The following ME1 variants were observed in gnomAD, a reference collection of about 807,000 sequenced individuals.
The protein encoded by ME1 is NADP-dependent malic enzyme.
In ME1, 74 loss-of-function variants were observed where a neutral mutation model predicts 66.4. That is an observed-to-expected ratio of 1.11 (90% CI 0.92 to 1.35). ME1 has a LOEUF of 1.35. Among genes scored for constraint, ME1 ranks in the 40% most tolerant of loss-of-function variants. ME1 has a pLI of 0.00. For missense variants in ME1, 750 were observed against 694.1 expected, an observed-to-expected ratio of 1.08 and a Z score of -0.90; for synonymous variants, 251 against 235.6, an observed-to-expected ratio of 1.07 and a Z score of -0.60.
intron 9 of ME1, among the ~76,000 whole-genome samples, chr6:83,237,274 A>AGAAAGAAAGAAAGAAAGGAAG (rs1554262978): frequency 2.4e-5 from 2 of 83,730 alleles, no homozygotes; most frequent in Non-Finnish European, 4.9e-5. Context: ...AAAGAAAGAA[A>AGAAAGAAAGAAAGAAAGGAAG]GAAAGGAAGG....
chr6:83,392,870 C>A (rs556865028), intron 3 of ME1: 1 of 779,132 alleles, frequency 1.3e-6, no homozygotes, highest in Admixed American at 1.7e-5. Flanking sequence ...ATGCCTCCTG[C>A]ACCACCAGCT....
intron 3 of ME1, among the ~76,000 whole-genome samples, chr6:83,367,428 T>C (rs1355155037): frequency 1.3e-5 from 2 of 152,194 alleles, no homozygotes; most frequent in Non-Finnish European, 2.9e-5. Flanking sequence ...CCTCTCTAGC[T>C]ATGAAAGTCC....
rs912559029 is a variant in ME1, at chr6:83,365,237, C to CTT, written c.363-13100_363-13099dup. ...CCTCCTGAGTAGCTGGGATTATAGG[C>CTT]TTCTGCCACCACGCCCAGCTAATTT... On this transcript the variant is annotated intron_variant, in intron 3 of 13. Coordinates refer to ENST00000369705, the MANE Select transcript of ME1 (RefSeq NM_002395.6). Among the ~76,000 whole-genome samples, 51 of 152,300 alleles carry CTT rather than the reference C, an allele frequency of 3.3e-4. 1 individual carries two copies. Among genetic ancestry groups the CTT allele is most frequent in the African/African-American group, 1.1e-3 (45 of 41,564 alleles).
chr6:83,363,160 C>T (rs917745678), intron 3 of ME1, among the ~76,000 whole-genome samples: 1 of 152,160 alleles, frequency 6.6e-6, no homozygotes, highest in African/African-American at 2.4e-5. Context: ...TAGTGATCCA[C>T]TAGCAAAATT....
intron 6 of ME1, among the ~76,000 whole-genome samples, chr6:83,290,945 C>CTT (rs548437686): frequency 6.0e-5 from 9 of 150,464 alleles, no homozygotes; most frequent in Non-Finnish European, 4.5e-5. Flanking sequence ...GCAACCCCTG[C>CTT]TTTTTTTTTG....
intron 11 of ME1, among the ~76,000 whole-genome samples, chr6:83,224,689 A>AAT (rs1790154132): frequency 7.4e-6 from 1 of 135,356 alleles, no homozygotes; most frequent in African/African-American, 3.3e-5. Context: ...AGCTCAAAAA[A>AAT]AAAAAAAATA....
At chr6:83,224,580 A>C (rs2128523512) in intron 11 of ME1, among the ~76,000 whole-genome samples, 1 of 151,388 alleles carries the variant, frequency 6.6e-6, no homozygotes, top group East Asian at 2.0e-4. Flanking sequence ...GCTACTTGAG[A>C]GGCTGAGGCA....
At chr6:83,306,754 G>A (rs1767831431) in intron 6 of ME1, among the ~76,000 whole-genome samples, 1 of 151,964 alleles carries the variant, frequency 6.6e-6, no homozygotes, top group Non-Finnish European at 1.5e-5. Flanking sequence ...CTACTGTAGG[G>A]TAAAATATAA....
At chr6:83,369,527 G>T (rs965311880) in intron 3 of ME1, among the ~76,000 whole-genome samples, 4 of 151,968 alleles carry the variant, frequency 2.6e-5, no homozygotes, top group Non-Finnish European at 5.9e-5. Context: ...GTAGAAAAAT[G>T]ATCCTTCTAT....
rs386359179 is a variant in ME1 at position 83,381,398 on chromosome 6, CT to C, written c.362+16968del. Among the ~76,000 whole-genome samples the C allele has an allele frequency of 5.5e-3, 768 of 140,244 alleles. 3 individuals are homozygous for C. The highest frequency in any genetic ancestry group is 0.011 in the African/African-American group (410 of 38,566). The allele number at this position is 140,244 out of a possible 152,430, so 92.0% of individuals were successfully genotyped here. ...ATTAAGCCTGCAAGCTTAAGAAATT[CT>C]TTTTTTTTTTTTTTGAGACGGAGTC... On this transcript the variant is annotated intron_variant, in intron 3 of 13. Coordinates refer to ENST00000369705, the MANE Select transcript of ME1 (RefSeq NM_002395.6).
At position 83,346,215 on chromosome 6, in the gene ME1, T is replaced by C. The variant is rs1768682986; in HGVS notation, c.558A>G (p.Gln186=). 6.2e-7 allele frequency: 1 copy of C among 1,611,198 alleles called. No individual in the cohort carries two copies. The highest frequency in any genetic ancestry group is 8.5e-7 in the Non-Finnish European group (1 of 1,178,400). Residue 186 remains glutamine (Q), a synonymous_variant, in exon 5 of 14, where the codon CAA becomes CAG. Coordinates refer to ENST00000369705, the MANE Select transcript of ME1 (RefSeq NM_002395.6). Reference sequence around the variant, plus strand: ...CATCCAGAATGACAGGCAGACATTCTTGAGGATTCATCCCTCCGCAAGCTG... The same window carrying C: ...CATCCAGAATGACAGGCAGACATTCCTGAGGATTCATCCCTCCGCAAGCTG... The part of the protein sequence containing the change: ...LYTACGGMNP[Q]ECLPVILDVG...
At chr6:83,232,900 T>C (rs1790331355) in intron 9 of ME1, among the ~76,000 whole-genome samples, 1 of 152,060 alleles carries the variant, frequency 6.6e-6, no homozygotes, top group African/African-American at 2.4e-5. Context: ...AAAAATACAG[T>C]ACAGCAAAAT....
chr6:83,420,694 A>G (rs1770246829), intron 1 of ME1, among the ~76,000 whole-genome samples: 1 of 152,172 alleles, frequency 6.6e-6, no homozygotes, highest in African/African-American at 2.4e-5. Flanking sequence ...GGTTATAGCA[A>G]TATCTGCAAG....
intron 2 of ME1, among the ~76,000 whole-genome samples, chr6:83,401,833 C>T (rs979308128): frequency 1.3e-5 from 2 of 152,180 alleles, no homozygotes; most frequent in Non-Finnish European, 2.9e-5. Context: ...GCACCATTCT[C>T]CAGGGTAATT....
chr6:83,270,297 T>C (rs6902164), intron 6 of ME1, among the ~76,000 whole-genome samples: 8,578 of 152,234 alleles, frequency 0.056, 808 homozygotes, highest in African/African-American at 0.2. Flanking sequence ...TCATTCCTTT[T>C]CTTTTTGAAG....
At chr6:83,259,775 G>A (rs1371226125) in intron 6 of ME1, among the ~76,000 whole-genome samples, 1 of 152,022 alleles carries the variant, frequency 6.6e-6, no homozygotes, top group Non-Finnish European at 1.5e-5. Flanking sequence ...GTAACATTTA[G>A]ACAGTCCTTT....
chr6:83,388,090 C>CTTTTTTTTTT (rs1561999489), intron 3 of ME1, among the ~76,000 whole-genome samples: 4 of 110,450 alleles, frequency 3.6e-5, no homozygotes, highest in Admixed American at 1.1e-4. Flanking sequence ...TTCCTTCCTT[C>CTTTTTTTTTT]CTTTTTTTTT....
intron 6 of ME1, among the ~76,000 whole-genome samples, chr6:83,298,330 T>C (rs1767640951): frequency 6.6e-6 from 1 of 152,234 alleles, no homozygotes; most frequent in Non-Finnish European, 1.5e-5. Flanking sequence ...TGAGCTTTTT[T>C]TCATATGTTT....
At chr6:83,429,211 G>A (rs1770433530) in intron 1 of ME1, among the ~76,000 whole-genome samples, 1 of 152,088 alleles carries the variant, frequency 6.6e-6, no homozygotes, top group African/African-American at 2.4e-5. Context: ...TGCAGTGAGC[G>A]GAGATCGCGC....
Sources: gnomAD v4.1 joint callset for allele counts (sites outside exome capture counted in the v4.1 genomes callset) on GRCh38, gnomAD v4.1.1 for gene constraint, MANE v1.5 for transcripts, NCBI Gene and HGNC (gene_info 2026-07-23, HGNC 2026-07-21) for gene names.